Variants in SH3KBP1 observed in about 807,000 individuals in gnomAD.
SH3KBP1 encodes the protein SH3 domain-containing kinase-binding protein 1.
A neutral mutation model predicts 50.1 loss-of-function variants in SH3KBP1; 8 were observed. The observed-to-expected ratio is 0.16, with a 90% CI of 0.09 to 0.29. SH3KBP1 has a LOEUF of 0.29. Ranked by LOEUF, SH3KBP1 falls within the 10% of genes least tolerant of loss-of-function variation. SH3KBP1 has a pLI of 1.00. For synonymous variants in SH3KBP1, 227 were observed against 218.6 expected, an observed-to-expected ratio of 1.04 and a Z score of -0.34; for missense variants, 377 against 535.2, an observed-to-expected ratio of 0.70 and a Z score of 2.92.
chrX:19,643,190 G>A (rs1392928324), intron 7 of SH3KBP1, among the ~76,000 whole-genome samples: 3 of 110,143 alleles, frequency 2.7e-5, no homozygotes, highest in African/African-American at 1.0e-4. Flanking sequence ...GGCTTTTTAG[G>A]GGGCTTCTTA....
At chrX:19,641,169 G>A (rs758555131) in intron 7 of SH3KBP1, among the ~76,000 whole-genome samples, 32 of 112,190 alleles carry the variant, frequency 2.9e-4, no homozygotes, top group Admixed American at 4.7e-4. Context: ...GTCTTAGGCC[G>A]ATTGGGAGAG....
chrX:19,640,653 G>C (rs942793127), intron 7 of SH3KBP1, among the ~76,000 whole-genome samples: 1 of 109,871 alleles, frequency 9.1e-6, no homozygotes. Context: ...GAGAACCTAA[G>C]GCCGATTCAC....
chrX:19,804,673 C>A (rs2066980967), intron 2 of SH3KBP1, among the ~76,000 whole-genome samples: 1 of 109,744 alleles, frequency 9.1e-6, no homozygotes, highest in Non-Finnish European at 1.9e-5. Context: ...GCTGGTTTCA[C>A]CCCTGCAGAG....
At chrX:19,830,940 G>A (rs1026499634) in intron 2 of SH3KBP1, among the ~76,000 whole-genome samples, 2 of 112,160 alleles carry the variant, frequency 1.8e-5, no homozygotes, top group African/African-American at 6.5e-5. Flanking sequence ...TAGCCCAAGA[G>A]CTGACAAAGC....
At chrX:19,667,182 C>T (rs900102235) in intron 6 of SH3KBP1, among the ~76,000 whole-genome samples, 43 of 111,815 alleles carry the variant, frequency 3.8e-4, no homozygotes, top group African/African-American at 1.2e-3. Flanking sequence ...CAGTAGCTGC[C>T]GGGGTCAGGG....
chrX:19,756,397 T>C (rs966859140), intron 2 of SH3KBP1, among the ~76,000 whole-genome samples: 2 of 110,858 alleles, frequency 1.8e-5, no homozygotes, highest in African/African-American at 6.6e-5. Context: ...CAAGAACAAA[T>C]CTCTCCAGAA....
chrX:19,791,020 AG>A (rs1195261622), intron 2 of SH3KBP1, among the ~76,000 whole-genome samples: 1 of 111,404 alleles, frequency 9.0e-6, no homozygotes, highest in Non-Finnish European at 1.9e-5. Context: ...GGCCAACCCC[AG>A]GAGGAAACCA....
rs143600945 is a variant in SH3KBP1 at position 19,694,610 on chromosome X, G to A, written c.520+1002C>T. 3.4e-3 allele frequency among the ~76,000 whole-genome samples: 378 copies of A among 110,807 alleles called. 2 individuals are homozygous for A. The highest frequency in any genetic ancestry group is 4.1e-3 in the Non-Finnish European group (214 of 52,794). The stretch of plus-strand genomic sequence containing the variant: ...TAACCAGCAAGTGCTGCTGTTTCTC[G>A]GTATGTCAGGCTACATCATCCAGAG... On this transcript the variant is annotated intron_variant, in intron 5 of 17. Coordinates refer to ENST00000397821, the MANE Select transcript of SH3KBP1 (RefSeq NM_031892.3).
Position 19,808,138 on chromosome X carries a change from C to T in SH3KBP1, c.162+27987G>A, listed in dbSNP as rs767969998. 1.3e-4 allele frequency among the ~76,000 whole-genome samples: 14 copies of T among 111,159 alleles called. No individual in the cohort carries two copies. The South Asian group carries it at 4.5e-3, about 36-fold the overall frequency. On this transcript the variant is annotated intron_variant, in intron 2 of 17. Coordinates refer to ENST00000397821, the MANE Select transcript of SH3KBP1 (RefSeq NM_031892.3). Reference sequence around the variant, plus strand: ...ACTGTTATTCCTGGGGGCTTGCTAGCCTGCAGGTGGGGTGAGGGAAGAAGG... The same window carrying T: ...ACTGTTATTCCTGGGGGCTTGCTAGTCTGCAGGTGGGGTGAGGGAAGAAGG...
chrX:19,832,704 T>TGG (rs2067931676), intron 2 of SH3KBP1, among the ~76,000 whole-genome samples: 4 of 111,461 alleles, frequency 3.6e-5, no homozygotes, highest in Non-Finnish European at 5.7e-5. Flanking sequence ...GGGCTTCCCT[T>TGG]GAGCCAAAGC....
chrX:19,874,048 C>CAAAAAAAAAA (rs55948760), intron 1 of SH3KBP1, among the ~76,000 whole-genome samples: 2 of 26,290 alleles, frequency 7.6e-5, no homozygotes, highest in African/African-American at 5.1e-4. Context: ...GAGTCCATCT[C>CAAAAAAAAAA]AAAAAAAAAA....
intron 8 of SH3KBP1, among the ~76,000 whole-genome samples, chrX:19,613,493 A>T (rs2067496240): frequency 8.9e-6 from 1 of 112,387 alleles, no homozygotes; most frequent in Non-Finnish European, 1.9e-5. Flanking sequence ...TAGCAAGAAT[A>T]TGGAAAGAAA....
At chrX:19,649,124 G>A (rs773664398) in intron 6 of SH3KBP1, among the ~76,000 whole-genome samples, 10 of 111,353 alleles carry the variant, frequency 9.0e-5, no homozygotes, top group African/African-American at 3.3e-4. Flanking sequence ...AGTGGCTGGG[G>A]AAGAGGATAC....
chrX:19,827,926 A>C (rs1303149971), intron 2 of SH3KBP1, among the ~76,000 whole-genome samples: 5 of 105,894 alleles, frequency 4.7e-5, no homozygotes, highest in Middle Eastern at 4.8e-3. Context: ...AACAAACAAA[A>C]AACCCAAAAC....
chrX:19,624,665 T>C (rs1342667881), intron 8 of SH3KBP1, among the ~76,000 whole-genome samples: 2 of 112,095 alleles, frequency 1.8e-5, no homozygotes, highest in Admixed American at 9.5e-5. Context: ...GGTCCCAGTG[T>C]CCTGGCTACT....
At chrX:19,712,763 T>C (rs2063808108) in intron 3 of SH3KBP1, among the ~76,000 whole-genome samples, 1 of 111,434 alleles carries the variant, frequency 9.0e-6, no homozygotes, top group African/African-American at 3.3e-5. Context: ...ATAGGACAAA[T>C]TGACATCACG....
intron 2 of SH3KBP1, among the ~76,000 whole-genome samples, chrX:19,767,007 C>T (rs1317082891): frequency 9.0e-6 from 1 of 111,405 alleles, no homozygotes; most frequent in African/African-American, 3.3e-5. Flanking sequence ...TACCATAGTC[C>T]TTATCCTTAA....
intron 6 of SH3KBP1, among the ~76,000 whole-genome samples, chrX:19,649,895 G>A (rs1351937507): frequency 1.8e-5 from 2 of 112,444 alleles, no homozygotes; most frequent in Non-Finnish European, 3.8e-5. Flanking sequence ...CTTTGTGACT[G>A]CAGAACGTGA....
intron 3 of SH3KBP1, among the ~76,000 whole-genome samples, chrX:19,729,804 C>A (rs1022089185): frequency 9.0e-6 from 1 of 111,722 alleles, no homozygotes; most frequent in Non-Finnish European, 1.9e-5. Flanking sequence ...GGAAAGGAGT[C>A]TCTTCAACAT....
Sources: allele counts gnomAD v4.1 joint callset (sites outside exome capture counted in the v4.1 genomes callset), GRCh38; gene constraint gnomAD v4.1.1; transcripts MANE v1.5; gene names NCBI Gene and HGNC (gene_info 2026-07-23, HGNC 2026-07-21).